Variants in ENTHD1 observed in about 807,000 individuals in gnomAD.
ENTHD1 encodes the protein ENTH domain-containing protein 1.
A neutral mutation model predicts 39.1 loss-of-function variants in ENTHD1; 23 were observed. The observed-to-expected ratio is 0.59, with a 90% confidence interval of 0.42 to 0.83. The LOEUF is 0.83. Among genes scored for constraint, ENTHD1 ranks in the 40% least tolerant of loss-of-function variants. The pLI, the probability that ENTHD1 is intolerant of heterozygous loss-of-function variation, is 0.00. For synonymous variants in ENTHD1, 230 were observed against 258.2 expected, an observed-to-expected ratio of 0.89 and a Z score of 1.05; for missense variants, 624 against 705.4, an observed-to-expected ratio of 0.88 and a Z score of 1.31.
intron 5 of ENTHD1, among the ~76,000 whole-genome samples, chr22:39,773,061 A>C (rs2065339344): frequency 1.5e-5 from 2 of 137,412 alleles, no homozygotes; most frequent in South Asian, 5.1e-4. Flanking sequence ...AAGCAGGTGG[A>C]TCTCTTGAGC....
intron 5 of ENTHD1, among the ~76,000 whole-genome samples, chr22:39,785,703 C>G (rs948678429): frequency 6.6e-6 from 1 of 152,130 alleles, no homozygotes; most frequent in Non-Finnish European, 1.5e-5. Flanking sequence ...GACATCCAAG[C>G]CTGGTTCAAC....
At chr22:39,766,737 A>G (rs1473792385) in intron 5 of ENTHD1, among the ~76,000 whole-genome samples, 6 of 152,126 alleles carry the variant, frequency 3.9e-5, no homozygotes, top group African/African-American at 1.4e-4. Flanking sequence ...AAGAAAAGAA[A>G]CTTTTCTTTG....
At chr22:39,825,422 T>G (rs2065818851) in intron 4 of ENTHD1, among the ~76,000 whole-genome samples, 1 of 152,208 alleles carries the variant, frequency 6.6e-6, no homozygotes, top group Non-Finnish European at 1.5e-5. Flanking sequence ...GTACCTTCTT[T>G]GTTTAAACTT....
chr22:39,812,716 T>C (rs896564137), intron 5 of ENTHD1, among the ~76,000 whole-genome samples: 2 of 152,114 alleles, frequency 1.3e-5, no homozygotes, highest in East Asian at 1.9e-4. Context: ...TAGCTAATGC[T>C]ACATCACTAG....
At chr22:39,863,390 A>C (rs1168515651) in intron 2 of ENTHD1, among the ~76,000 whole-genome samples, 4 of 152,234 alleles carry the variant, frequency 2.6e-5, no homozygotes, top group Admixed American at 6.5e-5. Context: ...GCACAGTCAA[A>C]GACAAGAATT....
intron 2 of ENTHD1, among the ~76,000 whole-genome samples, chr22:39,864,067 C>A (rs547858605): frequency 6.6e-6 from 1 of 152,192 alleles, no homozygotes; most frequent in African/African-American, 2.4e-5. Context: ...TTTTGGGTAA[C>A]CATTCAGTGT....
Position 39,753,554 on chromosome 22 carries a change from A to G in ENTHD1, c.1220-9271T>C, listed in dbSNP as rs187542308. On this transcript the variant is annotated intron_variant, in intron 6 of 6. Coordinates refer to ENST00000325157, the MANE Select transcript of ENTHD1 (RefSeq NM_152512.4). ...AATATGAGCATACAAGAATTTTTTAATTTTCCTAACTTGTTATCTCCGAAA... is the reference window on the plus strand; with the variant it reads ...AATATGAGCATACAAGAATTTTTTAGTTTTCCTAACTTGTTATCTCCGAAA... 3.9e-5 allele frequency among the ~76,000 whole-genome samples: 6 copies of G among 152,214 alleles called. 1 individual carries two copies. The highest frequency in any genetic ancestry group is 1.2e-4 in the African/African-American group (5 of 41,540).
intron 5 of ENTHD1, among the ~76,000 whole-genome samples, chr22:39,791,165 T>C (rs1256758897): frequency 6.7e-6 from 1 of 148,170 alleles, no homozygotes; most frequent in Middle Eastern, 3.3e-3. Flanking sequence ...TCTAAAGTTA[T>C]ATATATTATA....
At chr22:39,815,918 A>T (rs761061072) in intron 5 of ENTHD1, among the ~76,000 whole-genome samples, 1 of 152,230 alleles carries the variant, frequency 6.6e-6, no homozygotes, top group Non-Finnish European at 1.5e-5. Context: ...AACGAAATAT[A>T]TATTGTGTAG....
At chr22:39,828,615 C>T (rs114226967) in intron 4 of ENTHD1, among the ~76,000 whole-genome samples, 142 of 152,268 alleles carry the variant, frequency 9.3e-4, no homozygotes, top group African/African-American at 3.2e-3. Flanking sequence ...TTTCGGTCAG[C>T]TTTAATTTTG....
At chr22:39,799,667 G>A (rs778095318) in intron 5 of ENTHD1, among the ~76,000 whole-genome samples, 19 of 152,268 alleles carry the variant, frequency 1.2e-4, no homozygotes, top group Admixed American at 2.6e-4. Flanking sequence ...CGTCCAGTGC[G>A]CATGCAAGCT....
rs368803554 is a variant in ENTHD1 at position 39,743,829 on chromosome 22, C to T, written c.1674G>A (p.Ala558=). 45 of 1,614,084 alleles carry T rather than the reference C, an allele frequency of 2.8e-5. No homozygotes were observed. Among genetic ancestry groups the T allele is most frequent in the Admixed American group, 1.3e-4 (8 of 60,020 alleles). ...TCAGATCTTCATGTAATCTAGCGAT[C>T]GCACGTTTTACCTCCCTTAAAAGAA... ...ISVLLREVKR[A]IARLHEDLST... The change falls in exon 7 of 7, where the codon GCG becomes GCA. Residue 558 remains alanine, a synonymous_variant. Coordinates refer to ENST00000325157, the MANE Select transcript of ENTHD1 (RefSeq NM_152512.4).
intron 5 of ENTHD1, among the ~76,000 whole-genome samples, chr22:39,808,306 C>G (rs566705065): frequency 6.6e-6 from 1 of 152,260 alleles, no homozygotes; most frequent in African/African-American, 2.4e-5. Context: ...TCTCCCTATC[C>G]TGATACCTCA....
chr22:39,861,738 T>G (rs1338881519), intron 3 of ENTHD1, 27 bp downstream of exon 3: 1 of 1,432,772 alleles, frequency 7.0e-7, no homozygotes, highest in Non-Finnish European at 9.3e-7. Context: ...ACCTGTTGCA[T>G]TTTAGGCCAA....
At position 39,881,230 on chromosome 22, in the gene ENTHD1, T is replaced by C. The variant is rs17001505; in HGVS notation, c.349+6170A>G. On this transcript the variant is annotated intron_variant, in intron 2 of 6. Coordinates refer to ENST00000325157, the MANE Select transcript of ENTHD1 (RefSeq NM_152512.4). ...CTTCTATAGCCTAGACACTGTTTCCTGTGAAGTACCTCTAACTTTAAAGCA... is the reference window on the plus strand; with the variant it reads ...CTTCTATAGCCTAGACACTGTTTCCCGTGAAGTACCTCTAACTTTAAAGCA... Among the ~76,000 whole-genome samples, 437 of 152,360 alleles carry C rather than the reference T, an allele frequency of 2.9e-3. 7 individuals are homozygous for C. The East Asian group carries it at 0.054, about 19-fold the overall frequency.
At chr22:39,756,865 C>CTATTTTGAT (rs1408798755) in intron 6 of ENTHD1, among the ~76,000 whole-genome samples, 1 of 152,116 alleles carries the variant, frequency 6.6e-6, no homozygotes, top group Non-Finnish European at 1.5e-5. Context: ...CAATATCACA[C>CTATTTTGAT]TATTTTGATT....
intron 2 of ENTHD1, among the ~76,000 whole-genome samples, chr22:39,865,305 T>C (rs1167435410): frequency 1.3e-5 from 2 of 151,960 alleles, no homozygotes; most frequent in Admixed American, 1.3e-4. Flanking sequence ...TCACCAAACA[T>C]AGGGAATAAA....
At chr22:39,864,000 A>C (rs1477709316) in intron 2 of ENTHD1, among the ~76,000 whole-genome samples, 1 of 152,196 alleles carries the variant, frequency 6.6e-6, no homozygotes, top group East Asian at 1.9e-4. Flanking sequence ...ATATCATTCT[A>C]AACACTCTTA....
chr22:39,764,176 C>A (rs564540391), intron 6 of ENTHD1, among the ~76,000 whole-genome samples: 1 of 151,978 alleles, frequency 6.6e-6, no homozygotes, highest in African/African-American at 2.4e-5. Context: ...AAAAGATTCA[C>A]GTTAAAATCT....
Sources: gnomAD v4.1 joint callset for allele counts (sites outside exome capture counted in the v4.1 genomes callset) on GRCh38, gnomAD v4.1.1 for gene constraint, MANE v1.5 for transcripts, NCBI Gene and HGNC (gene_info 2026-07-23, HGNC 2026-07-21) for gene names.